Variants in ACAA2 observed in about 807,000 individuals in gnomAD.
ACAA2 encodes 3-ketoacyl-CoA thiolase, mitochondrial.
In ACAA2, 35 loss-of-function variants were observed where a neutral mutation model predicts 44.8. The observed-to-expected ratio is 0.78, with a 90% confidence interval of 0.60 to 1.04. The LOEUF (loss-of-function observed/expected upper bound fraction) is 1.04. Ranked by LOEUF, ACAA2 falls within the 50% of genes least tolerant of loss-of-function variation. The pLI, the probability that ACAA2 is intolerant of heterozygous loss-of-function variation, is 0.00. For missense variants in ACAA2, 468 were observed against 482.6 expected, an observed-to-expected ratio of 0.97 and a Z score of 0.28; for synonymous variants, 142 against 166.5, an observed-to-expected ratio of 0.85 and a Z score of 1.13.
At chr18:49,800,257 CGGGA>C (rs1247452391) in intron 2 of ACAA2, among the ~76,000 whole-genome samples, 3 of 145,978 alleles carry the variant, frequency 2.1e-5, no homozygotes, top group Non-Finnish European at 3.0e-5. Flanking sequence ...CCGCCCCGTC[CGGGA>C]GGGAGGGAGG....
At chr18:49,786,954 C>A (rs1054524038) in intron 8 of ACAA2, among the ~76,000 whole-genome samples, 2 of 152,094 alleles carry the variant, frequency 1.3e-5, no homozygotes, top group Non-Finnish European at 2.9e-5. Context: ...AATTATTTTA[C>A]ATATATTTTT....
chr18:49,807,437 C>T (rs138649046), intron 1 of ACAA2, among the ~76,000 whole-genome samples: 19 of 152,052 alleles, frequency 1.2e-4, no homozygotes, highest in Admixed American at 6.5e-4. Context: ...TTAGAACATA[C>T]GAGAAAAATC....
chr18:49,807,273 T>C (rs1343617051), intron 1 of ACAA2, among the ~76,000 whole-genome samples: 1 of 152,174 alleles, frequency 6.6e-6, no homozygotes, highest in Non-Finnish European at 1.5e-5. Context: ...CATGTGCCTG[T>C]AGTCCCAGCT....
rs532983941 is a variant in ACAA2, at chr18:49,782,278, A to G, written c.*1569T>C. ...CTCAGTAAGGATCCCAAACAATAAA[A>G]GCTGGACTTGCCTGTTGCCACTAGT... On this transcript the variant is annotated 3_prime_UTR_variant, in exon 10 of 10. Coordinates refer to ENST00000285093, the MANE Select transcript of ACAA2 (RefSeq NM_006111.3). The G allele has an allele frequency of 6.6e-6, 1 of 152,334 alleles. No homozygotes were observed. Among genetic ancestry groups the G allele is most frequent in the South Asian group, 2.1e-4 (1 of 4,826 alleles). 9.4% of individuals were successfully genotyped at this position (152,334 alleles called of 1,614,324 possible). A position where few individuals can be genotyped will look rare whatever the true frequency, so the allele number is the denominator to read the frequency against.
chr18:49,787,260 TAAA>T (rs35932656), intron 8 of ACAA2, 28 bp downstream of exon 8: 4,596 of 1,017,196 alleles, frequency 4.5e-3, no homozygotes, highest in East Asian at 0.016. Context: ...TTCATGTTGT[TAAA>T]AAAAAAAAAA....
At chr18:49,801,656 T>A (rs888944364) in intron 2 of ACAA2, among the ~76,000 whole-genome samples, 7 of 151,802 alleles carry the variant, frequency 4.6e-5, no homozygotes, top group Non-Finnish European at 1.0e-4. Context: ...CAAGGCCTAG[T>A]GACTTCTGTG....
chr18:49,794,300 G>A lies in ACAA2; in HGVS notation c.557C>T (p.Ser186Leu), dbSNP rs762428287. ...REECDKYALQ[S>L]QQRWKAANDA... ...CTCACCAGCTTTCCATCTCTGCTGT[G>A]ACTGCAGGGCATATTTGTCACATTC... is the stretch of plus-strand genomic sequence containing the variant. The change falls in exon 5 of 10, where the codon TCA (serine) becomes TTA (leucine). Residue 186 changes from serine to leucine, a missense_variant. By Grantham distance (145) the Ser-to-Leu change is moderately radical. Coordinates refer to ENST00000285093, the MANE Select transcript of ACAA2 (RefSeq NM_006111.3). The A allele has an allele frequency of 1.9e-6, 3 of 1,605,946 alleles. No individual in the cohort carries two copies. Among genetic ancestry groups the A allele is most frequent in the Non-Finnish European group, 1.7e-6 (2 of 1,178,170 alleles).
chr18:49,812,134 G>T (rs772780013), intron 1 of ACAA2, among the ~76,000 whole-genome samples: 1 of 152,182 alleles, frequency 6.6e-6, no homozygotes, highest in Non-Finnish European at 1.5e-5. Flanking sequence ...ATTCAGTCAG[G>T]AAGGGCACTG....
rs1050569161 is a variant in ACAA2, at chr18:49,797,349, T to C, written c.312+117A>G. 6 of 887,116 alleles carry C rather than the reference T, an allele frequency of 6.8e-6. No individual in the cohort carries two copies. In the South Asian group the frequency reaches 7.6e-5, roughly 11 times the overall value. 55.0% of individuals were successfully genotyped at this position (887,116 alleles called of 1,614,324 possible). On this transcript the variant is annotated intron_variant, in intron 3 of 9. Transcript: ENST00000285093. ...GTGCAGTGGTATGATCATGGTTTAC[T>C]TGACCTCCAGGGCTCAAGCAATCCT... is the stretch of plus-strand genomic sequence containing the variant.
At chr18:49,808,151 A>G (rs2023629584) in intron 1 of ACAA2, among the ~76,000 whole-genome samples, 1 of 152,194 alleles carries the variant, frequency 6.6e-6, no homozygotes, top group South Asian at 2.1e-4. Flanking sequence ...CTACTACACA[A>G]CTATTAGTCT....
chr18:49,805,054 A>G (rs1230300100), intron 1 of ACAA2, among the ~76,000 whole-genome samples: 1 of 152,246 alleles, frequency 6.6e-6, no homozygotes, highest in African/African-American at 2.4e-5. Context: ...GACACTTACT[A>G]TGGAATAGAC....
rs570405953 is a variant in ACAA2 at position 49,787,296 on chromosome 18, C to T, written c.949G>A (p.Val317Ile). ...AGLSLKDMDL[V>I]EVNEAFAPQY... ...AAAAAAAAAAAAACACTTACCTCTA[C>T]CAAATCCATGTCCTTAAGACTCAGT... The change falls in exon 8 of 10, where the codon GTA becomes ATA. Residue 317 changes from valine (V) to isoleucine (I), a missense_variant. Val to Ile is a conservative substitution (Grantham distance 29, BLOSUM62 3). Coordinates refer to ENST00000285093, the MANE Select transcript of ACAA2 (RefSeq NM_006111.3). The T allele has an allele frequency of 2.9e-6, 4 of 1,389,744 alleles. No homozygotes were observed. The African/African-American group carries it at 4.6e-5, about 16-fold the overall frequency. 86.1% of individuals were successfully genotyped at this position (1,389,744 alleles called of 1,614,324 possible).
chr18:49,785,579 G>A, intron 8 of ACAA2: 1 of 520,462 alleles, frequency 1.9e-6, no homozygotes. Context: ...GCAATTCTCA[G>A]TAATCCCATA....
chr18:49,783,695 T>G lies in ACAA2; in HGVS notation c.*152A>C. ...AGCATGGGCTCCTATTCATGATCAA[T>G]GCATTTTTGTGTCACCATGGCTTGA... On this transcript the variant is annotated 3_prime_UTR_variant, in exon 10 of 10. Transcript: ENST00000285093. The G allele has an allele frequency of 3.3e-6, 2 of 606,660 alleles. No homozygotes were observed. Among genetic ancestry groups the G allele is most frequent in the Non-Finnish European group, 6.0e-6 (2 of 332,068 alleles). 37.6% of individuals were successfully genotyped at this position (606,660 alleles called of 1,614,324 possible). A position where few individuals can be genotyped will look rare whatever the true frequency, so the allele number is the denominator to read the frequency against.
intron 1 of ACAA2, among the ~76,000 whole-genome samples, chr18:49,810,459 TA>T (rs1281741404): frequency 6.6e-6 from 1 of 152,184 alleles, no homozygotes; most frequent in Non-Finnish European, 1.5e-5. Context: ...TCTCATATTC[TA>T]AGAAAGCATT....
intron 1 of ACAA2, among the ~76,000 whole-genome samples, chr18:49,805,912 A>G (rs2023606019): frequency 6.6e-6 from 1 of 151,970 alleles, no homozygotes; most frequent in Non-Finnish European, 1.5e-5. Flanking sequence ...GCTTTATTTC[A>G]TTCTTCTTTC....
chr18:49,809,718 G>C (rs2023648238), intron 1 of ACAA2, among the ~76,000 whole-genome samples: 1 of 152,254 alleles, frequency 6.6e-6, no homozygotes, highest in South Asian at 2.1e-4. Flanking sequence ...CAGGGGTTCA[G>C]AGACAGGGAT....
At chr18:49,810,971 A>C (rs1023236568) in intron 1 of ACAA2, among the ~76,000 whole-genome samples, 1 of 54,574 alleles carries the variant, frequency 1.8e-5, no homozygotes, top group Non-Finnish European at 4.5e-5. Context: ...ATAAAGGTTT[A>C]AAGTTTTTTT....
chr18:49,787,268 A>AG (rs774059180), intron 8 of ACAA2, 23 bp downstream of exon 8: 46 of 1,429,074 alleles, frequency 3.2e-5, no homozygotes, highest in Non-Finnish European at 4.1e-5. Context: ...GTTAAAAAAA[A>AG]AAAAAAAAAA....
Sources: gnomAD v4.1 joint callset for allele counts (sites outside exome capture counted in the v4.1 genomes callset) on GRCh38, gnomAD v4.1.1 for gene constraint, MANE v1.5 for transcripts, NCBI Gene and HGNC (gene_info 2026-07-23, HGNC 2026-07-21) for gene names.